Variants in SEMA6B observed in about 807,000 individuals in gnomAD.
SEMA6B encodes semaphorin-6B.
Under a neutral mutation model 78.6 loss-of-function variants are expected in SEMA6B, and 47 were observed. That is an observed-to-expected ratio of 0.60 (90% CI 0.47 to 0.76). The LOEUF (loss-of-function observed/expected upper bound fraction) is 0.76, where lower values mean the gene tolerates loss of function less well. SEMA6B is among the 30% of genes least tolerant of loss of function. SEMA6B has a pLI of 0.00. For synonymous variants in SEMA6B, 632 were observed against 592.2 expected, an observed-to-expected ratio of 1.07 and a Z score of -0.98; for missense variants, 1,213 against 1,269.9, an observed-to-expected ratio of 0.96 and a Z score of 0.68.
In SEMA6B at chr19:4,542,824, T is replaced by G. The variant is rs1162602932; in HGVS notation, c.*777A>C. The G allele has an allele frequency of 1.4e-6, 1 of 700,654 alleles. No homozygotes were observed. The highest frequency in any genetic ancestry group is 2.7e-5 in the East Asian group (1 of 37,200). 43.4% of individuals were successfully genotyped at this position (700,654 alleles called of 1,614,324 possible). ...GCCCCCAAGCCCTTTAGACAGCTGC[T>G]GCCGATGTGACTTCCGGGCAGGCCC... On this transcript the variant is annotated 3_prime_UTR_variant, in exon 17 of 17. Transcript: ENST00000586582.
At position 4,552,502 on chromosome 19, in the gene SEMA6B, G is replaced by C; in HGVS notation, c.909C>G (p.Asn303Lys). 6.2e-7 allele frequency: 1 copy of C among 1,612,534 alleles called. No homozygotes were observed. ...CCACGCCCGTGACAGCCTGCAGCAC[G>C]TTGAAGTAGAAATGGGAGTCTCCGG... ...SVPGDSHFYF[N>K]VLQAVTGVVS... Residue 303 changes from asparagine to lysine, a missense_variant, in exon 10 of 17, where the codon AAC becomes AAG. Coordinates refer to ENST00000586582, the MANE Select transcript of SEMA6B (RefSeq NM_032108.4). The surrounding 1 kb of genome is among the most constrained non-coding windows in gnomAD (Gnocchi z 7.4).
intron 4 of SEMA6B, 49 bp from the exon 5 acceptor site, chr19:4,557,062 G>A (rs1450428413): frequency 6.3e-7 from 1 of 1,597,266 alleles, no homozygotes; most frequent in East Asian, 2.2e-5. Context: ...CAGCAGCCCT[G>A]AGTGACCCCG....
intron 5 of SEMA6B, among the ~76,000 whole-genome samples, chr19:4,556,428 G>C (rs1906143916): frequency 6.6e-6 from 1 of 151,808 alleles, no homozygotes; most frequent in African/African-American, 2.4e-5. Context: ...ACTAACTGGG[G>C]CGTGGTGGGC....
chr19:4,548,574 G>A (rs1599775996), intron 12 of SEMA6B, 129 bp from the exon 13 acceptor site: 7 of 832,254 alleles, frequency 8.4e-6, no homozygotes, highest in East Asian at 8.0e-5. Flanking sequence ...CAATAAATGC[G>A]TGTGTGCATG....
rs1032885421 is a variant in SEMA6B at position 4,552,774 on chromosome 19, C to G, written c.772-135G>C. 102 of 777,382 alleles carry G rather than the reference C, an allele frequency of 1.3e-4. No homozygotes were observed. Among genetic ancestry groups the G allele is most frequent in the Non-Finnish European group, 1.9e-4 (95 of 501,926 alleles). The allele number at this position is 777,382 out of a possible 1,614,324, so 48.2% of individuals were successfully genotyped here. On this transcript the variant is annotated intron_variant, in intron 9 of 16. Transcript: ENST00000586582. The surrounding 1 kb of genome is among the most constrained non-coding windows in gnomAD (Gnocchi z 7.4). ...CTCTGGTGGGACCCCGGCCAGTCAC[C>G]GTTCCTCTCTGGGCACCGGCTTCCC...
At chr19:4,556,127 G>T in intron 5 of SEMA6B, 38 bp from the exon 6 acceptor site, 1 of 1,472,818 alleles carries the variant, frequency 6.8e-7, no homozygotes, top group Non-Finnish European at 9.5e-7. Flanking sequence ...AGCGCGATGT[G>T]GGCGTGGTCA....
At position 4,558,012 on chromosome 19, in the gene SEMA6B, G is replaced by A. The variant is rs369451263; in HGVS notation, c.245+14C>T. 3 of 1,392,980 alleles carry A rather than the reference G, an allele frequency of 2.2e-6. No homozygotes were observed. Among genetic ancestry groups the A allele is most frequent in the Non-Finnish European group, 2.8e-6 (3 of 1,057,120 alleles). The allele number at this position is 1,392,980 out of a possible 1,614,324, so 86.3% of individuals were successfully genotyped here. On this transcript the variant is annotated intron_variant, in intron 3 of 16. Transcript: ENST00000586582. The surrounding 1 kb of genome is among the most constrained non-coding windows in gnomAD (Gnocchi z 5.1). ...TGCTCGTCACACAGGCCTCCTTGCT[G>A]TCCCCAGCAATACCTGTCCCCAATG...
Position 4,555,216 on chromosome 19 carries a change from G to A in SEMA6B, c.563-121C>T. On this transcript the variant is annotated intron_variant, in intron 7 of 16. Transcript: ENST00000586582. The surrounding 1 kb of genome is among the most constrained non-coding windows in gnomAD (Gnocchi z 6.1). ...AGCCTAGGGGAGCCCCTGTCTCCAGGCTGAGCCCTGATCCCATCCAAGCCC... is the reference window on the plus strand; with the variant it reads ...AGCCTAGGGGAGCCCCTGTCTCCAGACTGAGCCCTGATCCCATCCAAGCCC... 2 of 1,109,846 alleles carry A rather than the reference G, an allele frequency of 1.8e-6. No homozygotes were observed. Among genetic ancestry groups the A allele is most frequent in the Non-Finnish European group, 2.6e-6 (2 of 774,320 alleles). 68.7% of individuals were successfully genotyped at this position (1,109,846 alleles called of 1,614,324 possible).
rs775991971 is a variant in SEMA6B at position 4,558,007 on chromosome 19, T to G, written c.245+19A>C. The G allele has an allele frequency of 5.1e-6, 7 of 1,379,322 alleles. No individual in the cohort carries two copies. Among genetic ancestry groups the G allele is most frequent in the Non-Finnish European group, 6.7e-6 (7 of 1,049,928 alleles). 85.4% of individuals were successfully genotyped at this position (1,379,322 alleles called of 1,614,324 possible). Reference sequence around the variant, plus strand: ...CATTCTGCTCGTCACACAGGCCTCCTTGCTGTCCCCAGCAATACCTGTCCC... The same window carrying G: ...CATTCTGCTCGTCACACAGGCCTCCGTGCTGTCCCCAGCAATACCTGTCCC... On this transcript the variant is annotated intron_variant, in intron 3 of 16. Coordinates refer to ENST00000586582, the MANE Select transcript of SEMA6B (RefSeq NM_032108.4). This position sits in a 1 kb window ranked among gnomAD's most constrained non-coding sequence, Gnocchi z 5.1.
rs1287567455 is a variant in SEMA6B at position 4,556,070 on chromosome 19, A to ACGAAGTTT, written c.381_388dup (p.Val130GlufsTer4). On this transcript the variant is annotated frameshift_variant, in exon 6 of 17. Coordinates refer to ENST00000586582, the MANE Select transcript of SEMA6B (RefSeq NM_032108.4). LOFTEE classifies it high-confidence loss of function. Reference sequence around the variant, plus strand: ...CTCGTCCCGAAGGAGCAGCACCTTTACGAAGTTTCGACACTCGCCCTGAGG... The same window carrying ACGAAGTTT: ...CTCGTCCCGAAGGAGCAGCACCTTTACGAAGTTTCGAAGTTTCGACACTCGCCCTGAGG... The ACGAAGTTT allele has an allele frequency of 6.2e-7, 1 of 1,614,054 alleles. No homozygotes were observed. Among genetic ancestry groups the ACGAAGTTT allele is most frequent in the East Asian group, 2.2e-5 (1 of 44,866 alleles).
Position 4,552,737 on chromosome 19 carries a change from G to T in SEMA6B, c.772-98C>A. On this transcript the variant is annotated intron_variant, in intron 9 of 16. Coordinates refer to ENST00000586582, the MANE Select transcript of SEMA6B (RefSeq NM_032108.4). This position sits in a 1 kb window ranked among gnomAD's most constrained non-coding sequence, Gnocchi z 7.4. ...TCACCACCCAAACTGTGATGGAGGA[G>T]TCTGACCCTGGCTCTGGTGGGACCC... 1 of 1,180,812 alleles carries T rather than the reference G, an allele frequency of 8.5e-7. No individual in the cohort carries two copies. Among genetic ancestry groups the T allele is most frequent in the Non-Finnish European group, 1.2e-6 (1 of 849,600 alleles). The allele number at this position is 1,180,812 out of a possible 1,614,324, so 73.1% of individuals were successfully genotyped here.
At chr19:4,549,729 C>T (rs749636103) in intron 12 of SEMA6B, among the ~76,000 whole-genome samples, 21 of 152,120 alleles carry the variant, frequency 1.4e-4, no homozygotes, top group South Asian at 4.2e-4. Flanking sequence ...CCGCCTGCCT[C>T]GGCCTCCCAA....
Position 4,544,082 on chromosome 19 carries a change from G to C in SEMA6B, c.2186C>G (p.Ala729Gly). ...RLPTPHPHPH[A>G]LGPRAWDHGH... ...GTGGTCCCAGGCGCGGGGGCCCAGG[G>C]CGTGGGGGTGCGGGTGCGGAGTGGG... The change falls in exon 17 of 17, where the codon GCC becomes GGC. Residue 729 changes from alanine to glycine, a missense_variant. By Grantham distance (60) the Ala-to-Gly change is moderately conservative. Transcript: ENST00000586582. This position sits in a 1 kb window ranked among gnomAD's most constrained non-coding sequence, Gnocchi z 5.1. The C allele has an allele frequency of 8.0e-7, 1 of 1,252,492 alleles. No individual in the cohort carries two copies. Among genetic ancestry groups the C allele is most frequent in the Non-Finnish European group, 1.0e-6 (1 of 999,214 alleles). 77.6% of individuals were successfully genotyped at this position (1,252,492 alleles called of 1,614,324 possible).
chr19:4,558,397 C>T lies in SEMA6B; in HGVS notation c.61G>A (p.Gly21Arg), dbSNP rs1251311315. 70 of 1,274,260 alleles carry T rather than the reference C, an allele frequency of 5.5e-5. No homozygotes were observed. The highest frequency in any genetic ancestry group is 7.0e-5 in the Non-Finnish European group (70 of 1,002,382). 78.9% of individuals were successfully genotyped at this position (1,274,260 alleles called of 1,614,324 possible). A position where few individuals can be genotyped will look rare whatever the true frequency, so the allele number is the denominator to read the frequency against. ...TCAGGAAAGAGGCCGTGGGCGCCCC[C>T]CAGTAGCAGCAGCAGAAGCAGCAGG... ...PALLLLLLLL[G>R]GAHGLFPEEP... The change falls in exon 2 of 17, where the codon GGG becomes AGG. Residue 21 changes from glycine to arginine, a missense_variant. Physicochemically the swap from Gly to Arg is moderately radical, Grantham distance 125. Coordinates refer to ENST00000586582, the MANE Select transcript of SEMA6B (RefSeq NM_032108.4). This position sits in a 1 kb window ranked among gnomAD's most constrained non-coding sequence, Gnocchi z 5.1.
At position 4,558,046 on chromosome 19, in the gene SEMA6B, C is replaced by G. The variant is rs750851373; in HGVS notation, c.225G>C (p.Arg75Ser). 1.3e-6 allele frequency: 2 copies of G among 1,502,710 alleles called. No homozygotes were observed. The allele number at this position is 1,502,710 out of a possible 1,614,324, so 93.1% of individuals were successfully genotyped here. ...AATACCTGTCCCCAATGAACAGCGT[C>G]CTGTTGACCCGCAGGACTCGCTGGA... Reference protein sequence around the residue: ...LNIQRVLRVNRTLFIGDRDNL... With the variant: ...LNIQRVLRVNSTLFIGDRDNL... The change falls in exon 3 of 17, where the codon AGG (arginine) becomes AGC (serine). Residue 75 changes from arginine (R) to serine (S), a missense_variant. Physicochemically the swap from Arg to Ser is moderately radical, Grantham distance 110 (BLOSUM62 -1). Transcript: ENST00000586582. This position sits in a 1 kb window ranked among gnomAD's most constrained non-coding sequence, Gnocchi z 5.1.
At position 4,550,846 on chromosome 19, in the gene SEMA6B, G is replaced by A. The variant is rs10422855; in HGVS notation, c.1074C>T (p.Pro358=). 4.0e-4 allele frequency: 645 copies of A among 1,613,508 alleles called. No homozygotes were observed. The highest frequency in any genetic ancestry group is 4.6e-4 in the Non-Finnish European group (538 of 1,180,006). The part of the protein sequence containing the change: ...FEGRFREQKS[P]ESIWTPVPED... ...CCGGCACCGGCGTCCAGATGGACTCGGGGGACTTCTGCTCTCGGAAGCGGC... is the reference window on the plus strand; with the variant it reads ...CCGGCACCGGCGTCCAGATGGACTCAGGGGACTTCTGCTCTCGGAAGCGGC... Residue 358 remains proline, a synonymous_variant, in exon 11 of 17, where the codon CCC becomes CCT. Coordinates refer to ENST00000586582, the MANE Select transcript of SEMA6B (RefSeq NM_032108.4). This position sits in a 1 kb window ranked among gnomAD's most constrained non-coding sequence, Gnocchi z 6.6.
At chr19:4,557,365 C>A in intron 3 of SEMA6B, 142 bp from the exon 4 acceptor site, 2 of 630,594 alleles carry the variant, frequency 3.2e-6, no homozygotes, top group Non-Finnish European at 5.5e-6. Context: ...TAGCGCCGAC[C>A]ACACCCCCCC....
chr19:4,557,428 C>G lies in SEMA6B; in HGVS notation c.246-205G>C, dbSNP rs541409834. Among the ~76,000 whole-genome samples the G allele has an allele frequency of 4.6e-5, 7 of 152,316 alleles. 1 individual carries two copies. In the South Asian group the frequency reaches 1.4e-3, roughly 32 times the overall value. ...GCACTCCACCTCCTGCCCGGCACGCCCCACGGACTGCCCCCAACACCATGT... is the reference window on the plus strand; with the variant it reads ...GCACTCCACCTCCTGCCCGGCACGCGCCACGGACTGCCCCCAACACCATGT... On this transcript the variant is annotated intron_variant, in intron 3 of 16. Coordinates refer to ENST00000586582, the MANE Select transcript of SEMA6B (RefSeq NM_032108.4).
chr19:4,542,647 G>T lies in SEMA6B; in HGVS notation c.*954C>A. ...AGGGGGCTGGGGGAGGCAAACTCCA[G>T]AGAGGGCAGAGGACCCAGCCAGCCA... On this transcript the variant is annotated 3_prime_UTR_variant, in exon 17 of 17. Transcript: ENST00000586582. 1.7e-6 allele frequency: 1 copy of T among 574,310 alleles called. No individual in the cohort carries two copies. Among genetic ancestry groups the T allele is most frequent in the South Asian group, 1.8e-5 (1 of 54,800 alleles). The allele number at this position is 574,310 out of a possible 1,614,324, so 35.6% of individuals were successfully genotyped here.
Sources: allele counts gnomAD v4.1 joint callset (sites outside exome capture counted in the v4.1 genomes callset), GRCh38; gene constraint gnomAD v4.1.1; non-coding constraint Gnocchi (gnomAD v3.1); transcripts MANE v1.5; gene names NCBI Gene and HGNC (gene_info 2026-07-23, HGNC 2026-07-21).